The following EFHC1 variants were observed in gnomAD, a reference collection of about 807,000 sequenced individuals.
The protein encoded by EFHC1 is EF-hand domain containing 1, also known as EF-hand domain-containing protein 1.
Under a neutral mutation model 69.9 loss-of-function variants are expected in EFHC1, and 53 were observed. That is an observed-to-expected ratio of 0.76 (90% CI 0.61 to 0.95). EFHC1 has a LOEUF of 0.95. EFHC1 is among the 40% of genes least tolerant of loss of function. The pLI is 0.00. For synonymous variants in EFHC1, 256 were observed against 278.4 expected (o/e 0.92, Z 0.80); for missense variants, 739 against 798.7 (o/e 0.93, Z 0.90).
intron 3 of EFHC1, among the ~76,000 whole-genome samples, chr6:52,444,055 G>A (rs1165982269): frequency 6.6e-6 from 1 of 152,186 alleles, no homozygotes; most frequent in Non-Finnish European, 1.5e-5. Flanking sequence ...AAGCAATTGT[G>A]AATGGGAGTT....
chr6:52,435,942 TA>T (rs1764522624), intron 2 of EFHC1, among the ~76,000 whole-genome samples: 1 of 152,200 alleles, frequency 6.6e-6, no homozygotes, highest in Non-Finnish European at 1.5e-5. Context: ...GGTTGTGAGT[TA>T]ATAGTCTGAA....
At chr6:52,461,965 T>C (rs1765177359) in intron 5 of EFHC1, among the ~76,000 whole-genome samples, 1 of 152,144 alleles carries the variant, frequency 6.6e-6, no homozygotes, top group Admixed American at 6.5e-5. Context: ...AGCACCATTA[T>C]TCAGTGAGAC....
chr6:52,490,705 C>T (rs1286024564), intron 10 of EFHC1: 4 of 467,182 alleles, frequency 8.6e-6, no homozygotes, highest in Non-Finnish European at 1.5e-5. Context: ...GCCTTTGATA[C>T]CCTTCACAGC....
chr6:52,485,699 T>C (rs1765771840), intron 9 of EFHC1: 1 of 152,204 alleles, frequency 6.6e-6, no homozygotes, highest in Non-Finnish European at 1.5e-5. Flanking sequence ...GCCTCTTCTC[T>C]TATCATGTGA....
intron 2 of EFHC1, among the ~76,000 whole-genome samples, chr6:52,429,076 T>C (rs1764363527): frequency 6.6e-6 from 1 of 152,212 alleles, no homozygotes. Context: ...GAGTTCATTG[T>C]AAATTCTGGA....
At position 52,423,743 on chromosome 6, in the gene EFHC1, T is replaced by G. The variant is rs542869364; in HGVS notation, c.64-203T>G. The G allele has an allele frequency of 1.9e-5, 23 of 1,218,974 alleles. No homozygotes were observed. In the South Asian group the frequency reaches 2.8e-4, roughly 15 times the overall value. The allele number at this position is 1,218,974 out of a possible 1,614,324, so 75.5% of individuals were successfully genotyped here. A position where few individuals can be genotyped will look rare whatever the true frequency, so the allele number is the denominator to read the frequency against. On this transcript the variant is annotated intron_variant, in intron 1 of 10. Coordinates refer to ENST00000371068, the MANE Select transcript of EFHC1 (RefSeq NM_018100.4). ...CTGGTCTCGAACTCTGGGGCTGAAG[T>G]GATTCTCCCTCTTCAGCCTCCCAGA...
At chr6:52,446,993 A>AT (rs1231671245) in intron 3 of EFHC1, among the ~76,000 whole-genome samples, 5 of 151,912 alleles carry the variant, frequency 3.3e-5, no homozygotes, top group African/African-American at 4.8e-5. Context: ...TGCCCTTAAC[A>AT]TTTTTTTCCT....
chr6:52,492,456 GTTC>G lies in EFHC1; in HGVS notation c.*121_*123del, dbSNP rs749733456. 2.1e-5 allele frequency: 24 copies of G among 1,126,766 alleles called. 1 individual carries two copies. Among genetic ancestry groups the G allele is most frequent in the South Asian group, 1.8e-4 (14 of 76,780 alleles). 69.8% of individuals were successfully genotyped at this position (1,126,766 alleles called of 1,614,324 possible). ...TTCCTGAAGTTTTATTTCTGTTTTG[GTTC>G]TTCTTTCACTCCTACTGAAGTCGAA... On this transcript the variant is annotated 3_prime_UTR_variant, in exon 11 of 11. Transcript: ENST00000371068.
chr6:52,452,965 A>G (rs763497894), intron 4 of EFHC1, 128 bp downstream of exon 4: 2 of 1,588,134 alleles, frequency 1.3e-6, no homozygotes. Flanking sequence ...AACTGTTTGG[A>G]CACAGTACTG....
chr6:52,464,820 C>G, intron 5 of EFHC1, 75 bp from the exon 6 acceptor site: 1 of 1,318,028 alleles, frequency 7.6e-7, no homozygotes, highest in Non-Finnish European at 1.1e-6. Context: ...TCAAGAATGC[C>G]TGGCAGTTGT....
rs1467319700 is a variant in EFHC1, at chr6:52,445,545, G to A, written c.573+6954G>A. 4.8e-5 allele frequency among the ~76,000 whole-genome samples: 7 copies of A among 146,060 alleles called. No individual in the cohort carries two copies. In the Admixed American group the frequency reaches 5.1e-4, roughly 11 times the overall value. The stretch of plus-strand genomic sequence containing the variant: ...TCATTGATTTTTTGAAGGGTTTTTT[G>A]TGTCTCTATCTCCTTCAGTTCTGCT... On this transcript the variant is annotated intron_variant, in intron 3 of 10. Coordinates refer to ENST00000371068, the MANE Select transcript of EFHC1 (RefSeq NM_018100.4).
At chr6:52,480,502 A>T (rs574031104) in intron 9 of EFHC1, among the ~76,000 whole-genome samples, 1 of 152,328 alleles carries the variant, frequency 6.6e-6, no homozygotes, top group South Asian at 2.1e-4. Flanking sequence ...CATTGAGTTG[A>T]CCTTCCAAGC....
At chr6:52,448,200 T>C (rs1308141048) in intron 3 of EFHC1, among the ~76,000 whole-genome samples, 2 of 152,194 alleles carry the variant, frequency 1.3e-5, no homozygotes, top group African/African-American at 4.8e-5. Context: ...CAGGCCTCCT[T>C]GAGGTGCCAT....
At chr6:52,479,832 G>T (rs199914223) in intron 9 of EFHC1, 45 bp downstream of exon 9, 168 of 1,610,058 alleles carry the variant, frequency 1.0e-4, no homozygotes, top group South Asian at 1.2e-4. Flanking sequence ...AGATATTCAG[G>T]AAGTAATTCT....
In EFHC1 at chr6:52,492,413, A is replaced by AT; in HGVS notation, c.*73dup. 7.0e-7 allele frequency: 1 copy of AT among 1,430,358 alleles called. No homozygotes were observed. The highest frequency in any genetic ancestry group is 9.8e-7 in the Non-Finnish European group (1 of 1,020,498). 88.6% of individuals were successfully genotyped at this position (1,430,358 alleles called of 1,614,324 possible). ...CTTTGAAATACACCTTACACTCTTC[A>AT]TAGAGGCATTTACAGGGTTCCTGAA... On this transcript the variant is annotated 3_prime_UTR_variant, in exon 11 of 11. Transcript: ENST00000371068.
rs577503114 is a variant in EFHC1, at chr6:52,439,780, A to G, written c.573+1189A>G. 8.5e-5 allele frequency among the ~76,000 whole-genome samples: 13 copies of G among 152,230 alleles called. No individual in the cohort carries two copies. The South Asian group carries it at 2.7e-3, about 32-fold the overall frequency. ...ATGGCATCAGTGCCATTCCAAAGCA[A>G]TAGAGAAAAATAGCTTCAAAAGTAG... On this transcript the variant is annotated intron_variant, in intron 3 of 10. Transcript: ENST00000371068.
intron 5 of EFHC1, among the ~76,000 whole-genome samples, chr6:52,461,701 GTT>G (rs1158384318): frequency 6.6e-6 from 1 of 151,964 alleles, no homozygotes; most frequent in African/African-American, 2.4e-5. Context: ...ATATAAAAGT[GTT>G]TTTAAAAACA....
At chr6:52,445,884 T>G (rs879109877) in intron 3 of EFHC1, among the ~76,000 whole-genome samples, 1 of 152,246 alleles carries the variant, frequency 6.6e-6, no homozygotes, top group Non-Finnish European at 1.5e-5. Flanking sequence ...GTGAGTTTCT[T>G]AATCCTGAGT....
At chr6:52,429,099 G>A (rs1277953377) in intron 2 of EFHC1, among the ~76,000 whole-genome samples, 1 of 152,044 alleles carries the variant, frequency 6.6e-6, no homozygotes, top group Admixed American at 6.6e-5. Flanking sequence ...TTAATCTTTT[G>A]TCAGATGTAT....
Sources: gnomAD v4.1 joint callset for allele counts (sites outside exome capture counted in the v4.1 genomes callset) on GRCh38, gnomAD v4.1.1 for gene constraint, MANE v1.5 for transcripts, NCBI Gene and HGNC (gene_info 2026-07-23, HGNC 2026-07-21) for gene names.